The following MACROD2 variants were observed in gnomAD, a reference collection of about 807,000 sequenced individuals.
The protein encoded by MACROD2 is mono-ADP ribosylhydrolase 2.
A neutral mutation model predicts 70.4 loss-of-function variants in MACROD2; 36 were observed. The observed-to-expected ratio is 0.51, with a 90% CI of 0.39 to 0.68. The LOEUF is 0.68. Among genes scored for constraint, MACROD2 ranks in the 30% least tolerant of loss-of-function variants. The probability of loss-of-function intolerance (pLI) is 0.00; values close to 1 mark genes in which losing one functional copy is unlikely to be tolerated. For missense variants in MACROD2, 496 were observed against 538.4 expected (o/e 0.92, Z 0.78); for synonymous variants, 172 against 178.8 (o/e 0.96, Z 0.30).
chr20:14,021,172 G>A (rs1024792365), intron 2 of MACROD2, among the ~76,000 whole-genome samples: 2 of 151,904 alleles, frequency 1.3e-5, no homozygotes, highest in Non-Finnish European at 2.9e-5. Flanking sequence ...TGTATTTTTA[G>A]TAGAGACGCG....
At chr20:15,128,967 T>C (rs2076085992) in intron 5 of MACROD2, among the ~76,000 whole-genome samples, 1 of 152,134 alleles carries the variant, frequency 6.6e-6, no homozygotes, top group South Asian at 2.1e-4. Context: ...GCTTCCTTCT[T>C]GTTTGTGGAG....
At chr20:15,821,334 T>A (rs2063936128) in intron 8 of MACROD2, among the ~76,000 whole-genome samples, 2 of 151,866 alleles carry the variant, frequency 1.3e-5, no homozygotes, top group Non-Finnish European at 2.9e-5. Context: ...GCAGGACATA[T>A]TACAAATTAC....
chr20:16,004,227 C>T (rs2066755641), intron 15 of MACROD2, among the ~76,000 whole-genome samples: 2 of 152,162 alleles, frequency 1.3e-5, no homozygotes, highest in Non-Finnish European at 2.9e-5. Flanking sequence ...ACTTATAAGC[C>T]TCTCTTCCCG....
At chr20:15,278,139 C>G (rs529636971) in intron 6 of MACROD2, among the ~76,000 whole-genome samples, 29 of 152,300 alleles carry the variant, frequency 1.9e-4, no homozygotes, top group Non-Finnish European at 3.4e-4. Flanking sequence ...CTCTGCCTTT[C>G]TGATGCCTAA....
chr20:15,659,510 C>T (rs1369285679), intron 8 of MACROD2, among the ~76,000 whole-genome samples: 1 of 151,726 alleles, frequency 6.6e-6, no homozygotes. Flanking sequence ...TTGTTGCTTC[C>T]CATGTCGTCT....
intron 8 of MACROD2, among the ~76,000 whole-genome samples, chr20:15,547,737 A>G (rs972314354): frequency 1.7e-4 from 26 of 152,336 alleles, no homozygotes; most frequent in Admixed American, 1.0e-3. Context: ...GTCTCCTGCC[A>G]TAAGTGGACA....
At chr20:15,340,409 T>G (rs6079769) in intron 6 of MACROD2, among the ~76,000 whole-genome samples, 37,121 of 151,790 alleles carry the variant, frequency 0.24, 4,673 homozygotes, top group East Asian at 0.47. Flanking sequence ...GTCCTGAGAT[T>G]ACAGGCGTGG....
chr20:14,393,601 C>CTCCTCTCTCCCACCAACACAGAAGTAAT (rs1287341546), intron 3 of MACROD2, among the ~76,000 whole-genome samples: 74 of 152,226 alleles, frequency 4.9e-4, no homozygotes, highest in African/African-American at 1.6e-3. Context: ...TCTTTCCCAG[C>CTCCTCTCTCCCACCAACACAGAAGTAAT]TCCTCTCTCC....
At chr20:15,142,786 T>G (rs1346658398) in intron 5 of MACROD2, among the ~76,000 whole-genome samples, 1 of 152,058 alleles carries the variant, frequency 6.6e-6, no homozygotes, top group African/African-American at 2.4e-5. Context: ...CTTGTGATAG[T>G]TTGCTGAGAA....
At chr20:15,853,972 C>T (rs1403319868) in intron 8 of MACROD2, among the ~76,000 whole-genome samples, 1 of 152,156 alleles carries the variant, frequency 6.6e-6, no homozygotes, top group Admixed American at 6.5e-5. Context: ...AGTAGGGACA[C>T]AGGCAGCTGC....
intron 5 of MACROD2, among the ~76,000 whole-genome samples, chr20:14,788,697 G>T (rs1417023733): frequency 6.7e-6 from 1 of 150,048 alleles, no homozygotes; most frequent in East Asian, 1.9e-4. Context: ...GAAGATAGTG[G>T]ACCATTTTTA....
chr20:15,028,781 C>A (rs1474711922), intron 5 of MACROD2, among the ~76,000 whole-genome samples: 1 of 152,078 alleles, frequency 6.6e-6, no homozygotes, highest in African/African-American at 2.4e-5. Flanking sequence ...CAACAACTTA[C>A]TGGATACATG....
intron 5 of MACROD2, among the ~76,000 whole-genome samples, chr20:14,997,403 T>G (rs2074959186): frequency 6.6e-6 from 1 of 151,996 alleles, no homozygotes; most frequent in African/African-American, 2.4e-5. Flanking sequence ...TAAACATCAG[T>G]GGTAGCCAGG....
intron 3 of MACROD2, among the ~76,000 whole-genome samples, chr20:14,242,211 A>T (rs2081935584): frequency 1.3e-5 from 2 of 152,170 alleles, no homozygotes; most frequent in East Asian, 1.9e-4. Context: ...GTTTGGATTC[A>T]TCTTCCTATC....
rs907475772 is a variant in MACROD2, at chr20:15,383,615, A to C, written c.541-47790A>C. 3.3e-5 allele frequency among the ~76,000 whole-genome samples: 5 copies of C among 152,338 alleles called. No homozygotes were observed. The South Asian group carries it at 6.2e-4, about 19-fold the overall frequency. ...GCTGGCTTTCATATAAGCATCAAAC[A>C]ATTGCATTTCCTTCTCCCTATCATT... On this transcript the variant is annotated intron_variant, in intron 6 of 17. Coordinates refer to ENST00000684519, the MANE Select transcript of MACROD2 (RefSeq NM_001351661.2).
In MACROD2 at chr20:14,326,353, A is replaced by C; in HGVS notation, c.272-167126A>C. On this transcript the variant is annotated intron_variant, in intron 3 of 17. Coordinates refer to ENST00000684519, the MANE Select transcript of MACROD2 (RefSeq NM_001351661.2). The surrounding 1 kb of genome is among the most constrained non-coding windows in gnomAD (Gnocchi z 5.5). ...GTTCTTAATATCTGGCTGTTTGGTC[A>C]CTGGAGCTGGCCACTGTCCTTGGGC... The C allele has an allele frequency of 6.2e-7, 1 of 1,613,910 alleles. No homozygotes were observed. The highest frequency in any genetic ancestry group is 8.5e-7 in the Non-Finnish European group (1 of 1,179,874).
intron 8 of MACROD2, among the ~76,000 whole-genome samples, chr20:15,597,892 A>C (rs2048766885): frequency 6.6e-6 from 1 of 152,212 alleles, no homozygotes; most frequent in African/African-American, 2.4e-5. Context: ...CAGCCTGGCC[A>C]ACATGGCAAA....
chr20:15,344,246 T>G (rs1306540888), intron 6 of MACROD2, among the ~76,000 whole-genome samples: 3 of 152,180 alleles, frequency 2.0e-5, no homozygotes, highest in Non-Finnish European at 2.9e-5. Context: ...CTCTTCTCTC[T>G]AATCGTTTTA....
intron 3 of MACROD2, among the ~76,000 whole-genome samples, chr20:14,160,276 G>A (rs1318860744): frequency 6.6e-6 from 1 of 152,080 alleles, no homozygotes; most frequent in Non-Finnish European, 1.5e-5. Context: ...AGTTATTTGG[G>A]GTAGTTTGGG....
Sources: allele counts gnomAD v4.1 joint callset (sites outside exome capture counted in the v4.1 genomes callset), GRCh38; gene constraint gnomAD v4.1.1; non-coding constraint Gnocchi (gnomAD v3.1); transcripts MANE v1.5; gene names NCBI Gene and HGNC (gene_info 2026-07-23, HGNC 2026-07-21).